The following ATXN2L variants were observed in gnomAD, a reference collection of about 807,000 sequenced individuals.
ATXN2L encodes the protein ataxin 2 like.
Under a neutral mutation model 120.7 loss-of-function variants are expected in ATXN2L, and 24 were observed. The ratio of observed to expected loss-of-function variants is 0.20; its 90% CI spans 0.14 to 0.28. The LOEUF (loss-of-function observed/expected upper bound fraction) is 0.28. ATXN2L is among the 10% of genes least tolerant of loss of function. The pLI, the probability that ATXN2L is intolerant of heterozygous loss-of-function variation, is 1.00. For synonymous variants in ATXN2L, 653 were observed against 568.1 expected, an observed-to-expected ratio of 1.15 and a Z score of -2.13; for missense variants, 1,312 against 1,432.3, an observed-to-expected ratio of 0.92 and a Z score of 1.36.
intron 15 of ATXN2L, 29 bp from the exon 16 acceptor site, chr16:28,834,036 A>G (rs747677195): frequency 6.2e-7 from 1 of 1,607,098 alleles, no homozygotes; most frequent in African/African-American, 1.3e-5. Flanking sequence ...GAAAATACAA[A>G]ATAAAATTGT....
intron 7 of ATXN2L, 82 bp downstream of exon 7, chr16:28,829,574 T>G (rs1387891493): frequency 2.8e-6 from 3 of 1,081,956 alleles, no homozygotes; most frequent in Non-Finnish European, 4.2e-6. Context: ...TAGAACATAG[T>G]TTTTGCTCAT....
Position 28,835,415 on chromosome 16 carries a change from G to A in ATXN2L, c.2685+16G>A. On this transcript the variant is annotated intron_variant, in intron 20 of 21. Transcript: ENST00000336783. ...TCCTGTCCAGGTGCCTGCCATGGGGGGTGCTGAGTGGTCCTGGTGCAGGAA... is the reference window on the plus strand; with the variant it reads ...TCCTGTCCAGGTGCCTGCCATGGGGAGTGCTGAGTGGTCCTGGTGCAGGAA... 1.2e-6 allele frequency: 2 copies of A among 1,612,186 alleles called. No individual in the cohort carries two copies. The highest frequency in any genetic ancestry group is 1.7e-6 in the Non-Finnish European group (2 of 1,179,730).
At chr16:28,825,942 T>G (rs142030554) in intron 4 of ATXN2L, 101 bp downstream of exon 4, 1 of 1,198,386 alleles carries the variant, frequency 8.3e-7, no homozygotes, top group African/African-American at 1.5e-5. Context: ...GAGTATGCCT[T>G]TAGTTGTTTC....
Position 28,834,599 on chromosome 16 carries a change from C to T in ATXN2L, c.2339C>T (p.Ala780Val). 1.2e-6 allele frequency: 2 copies of T among 1,613,676 alleles called. No homozygotes were observed. The highest frequency in any genetic ancestry group is 1.7e-6 in the Non-Finnish European group (2 of 1,179,962). The stretch of plus-strand genomic sequence containing the variant: ...GCGGCTGCTGGCCCGCCTCTGGTGG[C>T]TGCCACGCCCTATTCTTCCTACATC... The part of the protein sequence containing the change: ...AAAAAGPPLV[A>V]ATPYSSYIPY... Residue 780 changes from alanine (A) to valine (V), a missense_variant, in exon 18 of 22, where the codon GCT becomes GTT. Physicochemically the swap from Ala to Val is moderately conservative, Grantham distance 64. Coordinates refer to ENST00000336783, the MANE Select transcript of ATXN2L (RefSeq NM_007245.4).
rs912232128 is a variant in ATXN2L, at chr16:28,830,128, A to T, written c.1034+70A>T. ...ATCCTGGGGCCTGGGCCCAGAGTTGATGAGTGCTGTGGTTTAAGCCTTGTG... is the reference window on the plus strand; with the variant it reads ...ATCCTGGGGCCTGGGCCCAGAGTTGTTGAGTGCTGTGGTTTAAGCCTTGTG... On this transcript the variant is annotated intron_variant, in intron 8 of 21. Transcript: ENST00000336783. 9.2e-5 allele frequency: 133 copies of T among 1,444,514 alleles called. No homozygotes were observed. The African/African-American group carries it at 1.8e-3, about 20-fold the overall frequency. The allele number at this position is 1,444,514 out of a possible 1,614,324, so 89.5% of individuals were successfully genotyped here.
rs772400355 is a variant in ATXN2L, at chr16:28,835,039, CCT to C, written c.2434-12_2434-11del. Reference sequence around the variant, plus strand: ...CCAGCTGGCGGCTGTGCCAACCACTCCTCTCTCTGTCCCGCCAGCCGGTGTTT... The same window carrying C: ...CCAGCTGGCGGCTGTGCCAACCACTCCTCTCTGTCCCGCCAGCCGGTGTTT... On this transcript the variant is annotated splice_polypyrimidine_tract_variant and intron_variant, in intron 18 of 21. Coordinates refer to ENST00000336783, the MANE Select transcript of ATXN2L (RefSeq NM_007245.4). 1.3e-4 allele frequency: 210 copies of C among 1,602,364 alleles called. No individual in the cohort carries two copies. Among genetic ancestry groups the C allele is most frequent in the Non-Finnish European group, 1.7e-4 (196 of 1,174,012 alleles).
chr16:28,830,120 C>T, intron 8 of ATXN2L, 62 bp downstream of exon 8: 1 of 1,490,900 alleles, frequency 6.7e-7, no homozygotes, highest in South Asian at 1.3e-5. Flanking sequence ...GGCCTGGGCC[C>T]AGAGTTGATG....
intron 6 of ATXN2L, among the ~76,000 whole-genome samples, chr16:28,829,188 A>G (rs1180761274): frequency 6.6e-6 from 1 of 151,972 alleles, no homozygotes; most frequent in East Asian, 1.9e-4. Flanking sequence ...TTTTTTCTAG[A>G]GATGAGCTCT....
chr16:28,826,062 C>T, intron 4 of ATXN2L, 178 bp from the exon 5 acceptor site: 2 of 840,154 alleles, frequency 2.4e-6, no homozygotes, highest in South Asian at 1.8e-5. Context: ...TTGCTAAGTC[C>T]TGTGGCTGAT....
In ATXN2L at chr16:28,832,553, G is replaced by A. The variant is rs748833424; in HGVS notation, c.1574G>A (p.Arg525Gln). ...GRTLEPQELARIAGKVPGLQN... is the reference protein window; with the variant it reads ...GRTLEPQELAQIAGKVPGLQN... ...ACTCTGGAGCCCCAGGAGCTGGCTC[G>A]GATAGCTGGGAAAGGTGAGGGTGGT... The change falls in exon 12 of 22, where the codon CGG (arginine) becomes CAG (glutamine). Residue 525 changes from arginine (R) to glutamine (Q), a missense_variant. Arg to Gln is a conservative substitution (Grantham distance 43, BLOSUM62 1). Transcript: ENST00000336783. 40 of 1,614,052 alleles carry A rather than the reference G, an allele frequency of 2.5e-5. No individual in the cohort carries two copies. Among genetic ancestry groups the A allele is most frequent in the Admixed American group, 1.2e-4 (7 of 60,002 alleles).
intron 13 of ATXN2L, 44 bp from the exon 14 acceptor site, chr16:28,833,015 T>C (rs774726442): frequency 6.2e-5 from 100 of 1,600,850 alleles, no homozygotes; most frequent in Non-Finnish European, 8.5e-5. Context: ...AAGCCAGGAC[T>C]AGGGTCTGGG....
At chr16:28,827,447 AACTTACTC>A (rs1173092217) in intron 6 of ATXN2L, among the ~76,000 whole-genome samples, 1 of 152,052 alleles carries the variant, frequency 6.6e-6, no homozygotes, top group Admixed American at 6.6e-5. Context: ...CCAAAACATC[AACTTACTC>A]TCTTACTATC....
chr16:28,830,605 CT>C lies in ATXN2L; in HGVS notation c.1035-7del. The stretch of plus-strand genomic sequence containing the variant: ...GTGGCTACCTGGCCTTATTTGAACT[CT>C]TTCCTCAGGGAGGGGAAGTATATCC... On this transcript the variant is annotated splice_polypyrimidine_tract_variant and intron_variant, in intron 8 of 21. Transcript: ENST00000336783. The C allele has an allele frequency of 6.4e-7, 1 of 1,551,382 alleles. No individual in the cohort carries two copies. The highest frequency in any genetic ancestry group is 8.7e-7 in the Non-Finnish European group (1 of 1,148,886).
chr16:28,825,203 G>GGA (rs2051399988), intron 1 of ATXN2L, among the ~76,000 whole-genome samples, 163 bp from the exon 2 acceptor site: 1 of 151,986 alleles, frequency 6.6e-6, no homozygotes, highest in South Asian at 2.1e-4. Flanking sequence ...GGCAACAGAG[G>GGA]GAGACCCTGT....
intron 8 of ATXN2L, 84 bp from the exon 9 acceptor site, chr16:28,830,531 G>A: frequency 7.4e-7 from 1 of 1,348,348 alleles, no homozygotes; most frequent in Non-Finnish European, 1.0e-6. Flanking sequence ...GGCAGAAGGG[G>A]GAGACTTTAG....
In ATXN2L at chr16:28,832,292, C is replaced by T. The variant is rs751420507; in HGVS notation, c.1409C>T (p.Ala470Val). The T allele has an allele frequency of 1.2e-6, 2 of 1,614,138 alleles. No homozygotes were observed. Among genetic ancestry groups the T allele is most frequent in the South Asian group, 2.2e-5 (2 of 91,080 alleles). The stretch of plus-strand genomic sequence containing the variant: ...TGTCCAGAGCCTCCCATCGGCTCGG[C>T]AGTGCCAACCTCTTCAGCCTCCATC... The part of the protein sequence containing the change: ...ASCPEPPIGS[A>V]VPTSSASIPV... Residue 470 changes from alanine (A) to valine (V), a missense_variant, in exon 11 of 22, where the codon GCA (alanine) becomes GTA (valine). Ala to Val is a moderately conservative substitution (Grantham distance 64). Coordinates refer to ENST00000336783, the MANE Select transcript of ATXN2L (RefSeq NM_007245.4).
At chr16:28,827,514 C>CA (rs1368091380) in intron 6 of ATXN2L, among the ~76,000 whole-genome samples, 1 of 152,160 alleles carries the variant, frequency 6.6e-6, no homozygotes, top group Non-Finnish European at 1.5e-5. Flanking sequence ...TTCAACATAA[C>CA]AAAAAGTATA....
rs1384406072 is a variant in ATXN2L, at chr16:28,823,441, C to T, written c.182C>T (p.Pro61Leu). Residue 61 changes from proline (P) to leucine (L), a missense_variant, in exon 1 of 22, where the codon CCT (proline) becomes CTT (leucine). Transcript: ENST00000336783. ...GCGGCCGCCTCCCCCTGCCTGGGGC[C>T]TGTGGCCGCTGCCGGGAGCGGGCTC... The part of the protein sequence containing the change: ...PPAAASPCLG[P>L]VAAAGSGLRR... 1.5e-6 allele frequency: 2 copies of T among 1,323,136 alleles called. No individual in the cohort carries two copies. Among genetic ancestry groups the T allele is most frequent in the African/African-American group, 3.1e-5 (2 of 64,798 alleles). 82.0% of individuals were successfully genotyped at this position (1,323,136 alleles called of 1,614,324 possible). A position where few individuals can be genotyped will look rare whatever the true frequency, so the allele number is the denominator to read the frequency against.
chr16:28,824,291 G>C (rs1044477995), intron 1 of ATXN2L: 2 of 1,151,150 alleles, frequency 1.7e-6, no homozygotes, highest in African/African-American at 3.3e-5. Context: ...TCCTGTGCGA[G>C]TGTGTGTGTG....
Sources: allele counts gnomAD v4.1 joint callset (sites outside exome capture counted in the v4.1 genomes callset), GRCh38; gene constraint gnomAD v4.1.1; transcripts MANE v1.5; gene names NCBI Gene and HGNC (gene_info 2026-07-23, HGNC 2026-07-21).